The following EPM2A variants were observed in gnomAD, a reference collection of about 807,000 sequenced individuals.
EPM2A encodes the protein EPM2A glucan phosphatase, laforin, also known as laforin.
In EPM2A, 21 loss-of-function variants were observed where a neutral mutation model predicts 26.5. The observed-to-expected ratio is 0.79, with a 90% CI of 0.56 to 1.14. The LOEUF (loss-of-function observed/expected upper bound fraction) is 1.14. Among genes scored for constraint, EPM2A ranks in the 50% most tolerant of loss-of-function variants. The pLI is 0.00. For missense variants in EPM2A, 458 were observed against 440.8 expected (o/e 1.04, Z -0.35); for synonymous variants, 217 against 177.6 (o/e 1.22, Z -1.76).
chr6:145,667,671 A>C (rs565625198), intron 2 of EPM2A, among the ~76,000 whole-genome samples: 52 of 148,906 alleles, frequency 3.5e-4, no homozygotes, highest in African/African-American at 1.0e-3. Flanking sequence ...TGGGTATATA[A>C]CCAAAGGACT....
intron 2 of EPM2A, among the ~76,000 whole-genome samples, chr6:145,578,436 C>T (rs1329024607): frequency 6.6e-6 from 1 of 152,068 alleles, no homozygotes; most frequent in Non-Finnish European, 1.5e-5. Flanking sequence ...CATTGAGAAA[C>T]CTAGAAGAAA....
At chr6:145,501,838 A>C (rs996113127) in exon 4 of EPM2A, 6 of 471,046 alleles carry the variant, frequency 1.3e-5, no homozygotes, top group African/African-American at 1.0e-4. Flanking sequence ...CAGAATCCCA[A>C]GGCCAAAATC....
intron 4 of EPM2A, among the ~76,000 whole-genome samples, chr6:145,397,369 A>T (rs1419661084): frequency 1.3e-5 from 2 of 152,136 alleles, no homozygotes; most frequent in Admixed American, 6.6e-5. Flanking sequence ...TGAGCCCAGG[A>T]GTTTGAGGCT....
At chr6:145,567,876 T>A (rs1347343314) in intron 2 of EPM2A, among the ~76,000 whole-genome samples, 1 of 152,166 alleles carries the variant, frequency 6.6e-6, no homozygotes, top group Admixed American at 6.5e-5. Flanking sequence ...TAGAATAAGA[T>A]GGTCAGCAGA....
chr6:145,551,745 G>A (rs1780658265), intron 2 of EPM2A, among the ~76,000 whole-genome samples: 1 of 151,738 alleles, frequency 6.6e-6, no homozygotes, highest in Admixed American at 6.6e-5. Context: ...TGTAATCAAG[G>A]AAAATAAATC....
intron 1 of EPM2A, among the ~76,000 whole-genome samples, chr6:145,703,389 C>A (rs750966713): frequency 6.6e-6 from 1 of 152,050 alleles, no homozygotes; most frequent in African/African-American, 2.4e-5. Flanking sequence ...CCACATGTGA[C>A]CTTAGATATT....
At chr6:145,621,018 A>T (rs1051589836), downstream of EPM2A, among the ~76,000 whole-genome samples, 3 of 152,164 alleles carry the variant, frequency 2.0e-5, no homozygotes, top group Non-Finnish European at 2.9e-5. Flanking sequence ...TGTCATCATC[A>T]TGTTGTAATT....
intron 2 of EPM2A, among the ~76,000 whole-genome samples, chr6:145,593,073 T>TA (rs1042878448): frequency 4.6e-5 from 7 of 151,880 alleles, no homozygotes; most frequent in Non-Finnish European, 1.0e-4. Context: ...ACTTTAAATA[T>TA]AAAAAGTCAG....
Position 145,728,391 on chromosome 6 carries a change from C to A in EPM2A, c.301+6807G>T, listed in dbSNP as rs553445930. Among the ~76,000 whole-genome samples the A allele has an allele frequency of 4.6e-5, 7 of 152,300 alleles. No individual in the cohort carries two copies. In the East Asian group the frequency reaches 1.4e-3, roughly 29 times the overall value. On this transcript the variant is annotated intron_variant, in intron 1 of 3. Coordinates refer to ENST00000367519, the MANE Select transcript of EPM2A (RefSeq NM_005670.4). ...TCGTTGAATGGTTGTGACCAAGATG[C>A]TGATACTGATATGGACAGTGAAGTC... is the stretch of plus-strand genomic sequence containing the variant.
chr6:145,692,601 T>C (rs73579487), intron 1 of EPM2A, among the ~76,000 whole-genome samples: 2,101 of 152,204 alleles, frequency 0.014, 42 homozygotes, highest in African/African-American at 0.047. Flanking sequence ...TTGTATATGG[T>C]ATATGGAAGG....
At chr6:145,594,414 A>T (rs1562395820) in intron 2 of EPM2A, among the ~76,000 whole-genome samples, 1 of 151,924 alleles carries the variant, frequency 6.6e-6, no homozygotes. Context: ...AACGTCTTCC[A>T]GAAGATACAA....
At chr6:145,463,058 C>T (rs1332565515) in intron 4 of EPM2A, among the ~76,000 whole-genome samples, 2 of 152,132 alleles carry the variant, frequency 1.3e-5, no homozygotes, top group African/African-American at 2.4e-5. Context: ...AGAAACATTA[C>T]ATTGTAAGAA....
intron 4 of EPM2A, among the ~76,000 whole-genome samples, chr6:145,460,030 T>C (rs1366444385): frequency 6.6e-6 from 1 of 152,154 alleles, no homozygotes. Flanking sequence ...AACTTAAGTT[T>C]AACATTTATT....
chr6:145,472,618 A>C (rs1779489488), intron 4 of EPM2A, among the ~76,000 whole-genome samples: 1 of 152,010 alleles, frequency 6.6e-6, no homozygotes, highest in Non-Finnish European at 1.5e-5. Flanking sequence ...ACATCAGAGG[A>C]AGTCTGGCAG....
intron 4 of EPM2A, among the ~76,000 whole-genome samples, chr6:145,472,612 C>T (rs932434001): frequency 3.9e-5 from 6 of 152,068 alleles, no homozygotes; most frequent in Admixed American, 3.3e-4. Context: ...AAGGGAACAT[C>T]AGAGGAAGTC....
intron 2 of EPM2A, chr6:145,684,831 G>A (rs1357435172): frequency 1.3e-5 from 2 of 152,004 alleles, no homozygotes; most frequent in African/African-American, 4.8e-5. Context: ...ATAAAACCAC[G>A]AGACATGCTT....
At chr6:145,655,005 G>A (rs1434145786) in intron 2 of EPM2A, among the ~76,000 whole-genome samples, 2 of 152,034 alleles carry the variant, frequency 1.3e-5, no homozygotes, top group Non-Finnish European at 2.9e-5. Context: ...ACGATTGTGA[G>A]TGGCTTTTTC....
At chr6:145,657,334 C>T (rs1778373107) in intron 2 of EPM2A, among the ~76,000 whole-genome samples, 1 of 152,080 alleles carries the variant, frequency 6.6e-6, no homozygotes, top group African/African-American at 2.4e-5. Flanking sequence ...GTGATCCACC[C>T]ACTTCAGCCT....
intron 2 of EPM2A, among the ~76,000 whole-genome samples, chr6:145,616,065 T>A (rs999374971): frequency 1.8e-4 from 28 of 152,040 alleles, no homozygotes; most frequent in Non-Finnish European, 4.4e-5. Context: ...CCCAAGACAA[T>A]GGGGAAAATG....
Sources: gnomAD v4.1 joint callset for allele counts (sites outside exome capture counted in the v4.1 genomes callset) on GRCh38, gnomAD v4.1.1 for gene constraint, MANE v1.5 for transcripts, NCBI Gene and HGNC (gene_info 2026-07-23, HGNC 2026-07-21) for gene names.